The following SDK1 variants were observed in gnomAD, a reference collection of about 807,000 sequenced individuals.
SDK1 encodes sidekick cell adhesion molecule 1, also known as protein sidekick-1.
In SDK1, 157 loss-of-function variants were observed where a neutral mutation model predicts 245.5. The observed-to-expected ratio is 0.64, with a 90% confidence interval of 0.56 to 0.73. The LOEUF (loss-of-function observed/expected upper bound fraction) is 0.73. SDK1 is among the 30% of genes least tolerant of loss of function. SDK1 has a pLI of 0.00. For synonymous variants in SDK1, 1,647 were observed against 1,278.5 expected (o/e 1.29, Z -6.15); for missense variants, 3,583 against 3,002.3 (o/e 1.19, Z -4.52).
At chr7:3,363,206 T>G (rs764935652) in intron 1 of SDK1, among the ~76,000 whole-genome samples, 8 of 152,230 alleles carry the variant, frequency 5.3e-5, no homozygotes, top group Non-Finnish European at 8.8e-5. Context: ...ATTTCAAAAA[T>G]GTTATATAAA....
chr7:3,520,692 CCTTTT>C (rs1003841828), intron 1 of SDK1, among the ~76,000 whole-genome samples: 8 of 152,096 alleles, frequency 5.3e-5, no homozygotes, highest in Non-Finnish European at 1.0e-4. Flanking sequence ...TAAGTCTGCC[CCTTTT>C]CTTTAATCCC....
intron 41 of SDK1, among the ~76,000 whole-genome samples, chr7:4,233,742 C>A (rs1211200526): frequency 2.0e-5 from 3 of 152,110 alleles, no homozygotes; most frequent in Non-Finnish European, 4.4e-5. Flanking sequence ...GAGAGCAGTG[C>A]CAGTCTCCGG....
chr7:3,398,035 T>C (rs764503717), intron 1 of SDK1, among the ~76,000 whole-genome samples: 7 of 152,094 alleles, frequency 4.6e-5, no homozygotes, highest in Non-Finnish European at 7.4e-5. Context: ...AAGTAGTAAA[T>C]AGGTCTTCAG....
intron 40 of SDK1, among the ~76,000 whole-genome samples, chr7:4,229,286 G>A (rs374926961): frequency 2.0e-5 from 3 of 152,072 alleles, no homozygotes; most frequent in Non-Finnish European, 4.4e-5. Flanking sequence ...TAAGTAGCCC[G>A]GTGAATTATA....
rs115066997 is a variant in SDK1 at position 3,436,772 on chromosome 7, C to G, written c.298+134888C>G. Among the ~76,000 whole-genome samples the G allele has an allele frequency of 5.2e-3, 790 of 152,230 alleles. 7 individuals are homozygous for G. The highest frequency in any genetic ancestry group is 0.018 in the African/African-American group (753 of 41,534). Reference sequence around the variant, plus strand: ...AGAACAGATTCTTTGTCCTCACTGTCTTCCCCTTTCCCTGAAATCTGTAGT... The same window carrying G: ...AGAACAGATTCTTTGTCCTCACTGTGTTCCCCTTTCCCTGAAATCTGTAGT... On this transcript the variant is annotated intron_variant, in intron 1 of 44. Coordinates refer to ENST00000404826, the MANE Select transcript of SDK1 (RefSeq NM_152744.4).
chr7:3,437,316 A>G (rs1780057644), intron 1 of SDK1, among the ~76,000 whole-genome samples: 1 of 152,180 alleles, frequency 6.6e-6, no homozygotes, highest in Admixed American at 6.5e-5. Flanking sequence ...GTGGAATTAA[A>G]AAATCAGTGT....
intron 22 of SDK1, among the ~76,000 whole-genome samples, chr7:4,087,582 A>G (rs1781507552): frequency 6.6e-6 from 1 of 151,918 alleles, no homozygotes. Flanking sequence ...GGATCATGCT[A>G]CCTCTTTTCA....
intron 43 of SDK1, among the ~76,000 whole-genome samples, chr7:4,245,396 A>G (rs1786784811): frequency 6.6e-6 from 1 of 152,080 alleles, no homozygotes. Context: ...TGCTGTTTGT[A>G]CGTGAGTGTC....
chr7:3,521,664 A>G (rs769261420), intron 1 of SDK1, among the ~76,000 whole-genome samples: 58 of 152,206 alleles, frequency 3.8e-4, no homozygotes, highest in Non-Finnish European at 8.8e-5. Context: ...TGGATTCGAT[A>G]GTCTAATGAT....
At chr7:3,846,390 A>G (rs548979005) in intron 5 of SDK1, among the ~76,000 whole-genome samples, 1 of 152,316 alleles carries the variant, frequency 6.6e-6, no homozygotes, top group Non-Finnish European at 1.5e-5. Context: ...TAAAAGGAGA[A>G]GGACATTTGT....
At chr7:4,085,616 G>C (rs902164510) in intron 22 of SDK1, among the ~76,000 whole-genome samples, 1 of 152,030 alleles carries the variant, frequency 6.6e-6, no homozygotes, top group Non-Finnish European at 1.5e-5. Context: ...GTGCAGTGGC[G>C]TGATCTCAGA....
At chr7:3,757,253 A>G (rs996942524) in intron 4 of SDK1, among the ~76,000 whole-genome samples, 1 of 152,054 alleles carries the variant, frequency 6.6e-6, no homozygotes, top group Admixed American at 6.5e-5. Flanking sequence ...AGAACAGCTC[A>G]CAGAACTACT....
chr7:3,742,197 C>A (rs1042148882), intron 4 of SDK1, among the ~76,000 whole-genome samples: 1 of 151,216 alleles, frequency 6.6e-6, no homozygotes, highest in African/African-American at 2.4e-5. Context: ...CCAATGTTTT[C>A]CGTATCTCTG....
In SDK1 at chr7:4,265,324, C is replaced by T; in HGVS notation, c.6582C>T (p.Val2194=). Residue 2194 remains valine, a synonymous_variant, in exon 45 of 45, where the codon GTC becomes GTT. Coordinates refer to ENST00000404826, the MANE Select transcript of SDK1 (RefSeq NM_152744.4). The part of the protein sequence containing the change: ...PVITTQSAGG[V]YTPAGPGART... ...TCACCACGCAGAGCGCGGGCGGCGTCTACACCCCCGCTGGCCCCGGCGCGC... is the reference window on the plus strand; with the variant it reads ...TCACCACGCAGAGCGCGGGCGGCGTTTACACCCCCGCTGGCCCCGGCGCGC... 6.6e-7 allele frequency: 1 copy of T among 1,520,060 alleles called. No homozygotes were observed. The highest frequency in any genetic ancestry group is 8.7e-7 in the Non-Finnish European group (1 of 1,145,320). 94.2% of individuals were successfully genotyped at this position (1,520,060 alleles called of 1,614,324 possible).
At chr7:4,113,494 G>A in intron 24 of SDK1, 55 bp downstream of exon 24, 1 of 1,587,132 alleles carries the variant, frequency 6.3e-7, no homozygotes, top group East Asian at 2.2e-5. Context: ...GTGAGCCAGG[G>A]CACACACTAA....
intron 1 of SDK1, among the ~76,000 whole-genome samples, chr7:3,391,624 C>A (rs1246378960): frequency 6.8e-6 from 1 of 147,964 alleles, no homozygotes; most frequent in South Asian, 2.1e-4. Flanking sequence ...ATACATGTAT[C>A]CTGTTAACTG....
intron 1 of SDK1, among the ~76,000 whole-genome samples, chr7:3,590,608 G>T (rs961842419): frequency 1.3e-5 from 2 of 152,066 alleles, no homozygotes; most frequent in East Asian, 3.8e-4. Flanking sequence ...ATATTTTGGG[G>T]AAGATTGCAA....
At chr7:3,560,926 A>C (rs1779732395) in intron 1 of SDK1, among the ~76,000 whole-genome samples, 1 of 152,134 alleles carries the variant, frequency 6.6e-6, no homozygotes. Flanking sequence ...AAAACATTTC[A>C]ATGAGGTCAT....
chr7:3,607,162 T>C (rs955267997), intron 1 of SDK1, among the ~76,000 whole-genome samples: 10 of 152,092 alleles, frequency 6.6e-5, no homozygotes, highest in African/African-American at 1.7e-4. Context: ...TTTTTTTTTT[T>C]AGTTTTTAAA....
Sources: allele counts gnomAD v4.1 joint callset (sites outside exome capture counted in the v4.1 genomes callset), GRCh38; gene constraint gnomAD v4.1.1; transcripts MANE v1.5; gene names NCBI Gene and HGNC (gene_info 2026-07-23, HGNC 2026-07-21).